GATAD2A: variants seen among roughly 807,000 people sequenced by gnomAD.
GATAD2A encodes transcriptional repressor p66-alpha.
In GATAD2A, 12 loss-of-function variants were observed where a neutral mutation model predicts 68.5. The observed-to-expected ratio is 0.18, with a 90% CI of 0.11 to 0.28. The LOEUF is 0.28. GATAD2A is among the 10% of genes least tolerant of loss of function. The probability of loss-of-function intolerance (pLI) is 1.00; values close to 1 mark genes in which losing one functional copy is unlikely to be tolerated. For synonymous variants in GATAD2A, 410 were observed against 375.3 expected (o/e 1.09, Z -1.07); for missense variants, 755 against 868.5 (o/e 0.87, Z 1.64).
chr19:19,468,336 T>C (rs1034296587), intron 2 of GATAD2A, among the ~76,000 whole-genome samples: 5 of 152,206 alleles, frequency 3.3e-5, no homozygotes, highest in Admixed American at 2.6e-4. Context: ...AGTGACAGTC[T>C]TGGAGATGGG....
intron 1 of GATAD2A, among the ~76,000 whole-genome samples, chr19:19,407,683 T>C (rs553520778): frequency 5.9e-5 from 9 of 152,352 alleles, no homozygotes; most frequent in Non-Finnish European, 1.2e-4. Flanking sequence ...GGGGACACCA[T>C]GCTAGCCCTG....
At chr19:19,403,817 A>G (rs1456614847), upstream of GATAD2A, among the ~76,000 whole-genome samples, 37 of 152,230 alleles carry the variant, frequency 2.4e-4, no homozygotes, top group Admixed American at 2.4e-3. Context: ...TACAGCCACC[A>G]TGTTAGGGTG....
At position 19,421,520 on chromosome 19, in the gene GATAD2A, C is replaced by G. The variant is rs181604654; in HGVS notation, c.-7+15501C>G. ...ACCACACTGAGAGCAGCGCGCTTCT[C>G]TGGGTTGGATGGCTGGGTTCTCAAG... On this transcript the variant is annotated intron_variant, in intron 1 of 11. Coordinates refer to ENST00000683918, the MANE Select transcript of GATAD2A (RefSeq NM_001384528.1). Among the ~76,000 whole-genome samples the G allele has an allele frequency of 1.3e-3, 203 of 152,280 alleles. 1 individual carries two copies. The highest frequency in any genetic ancestry group is 4.8e-3 in the African/African-American group (198 of 41,548).
intron 2 of GATAD2A, among the ~76,000 whole-genome samples, chr19:19,483,799 T>G (rs1398952246): frequency 6.7e-6 from 1 of 150,248 alleles, no homozygotes. Context: ...TTTTTTTTTT[T>G]TTGTATTTTT....
chr19:19,473,983 T>C, intron 2 of GATAD2A: 3 of 964,774 alleles, frequency 3.1e-6, no homozygotes, highest in Non-Finnish European at 3.7e-6. Context: ...ACCCAAGCCT[T>C]CCAAAACCAA....
At chr19:19,491,623 G>A (rs902565872) in intron 2 of GATAD2A, among the ~76,000 whole-genome samples, 11 of 152,338 alleles carry the variant, frequency 7.2e-5, no homozygotes, top group Admixed American at 5.2e-4. Flanking sequence ...GAGAACTTGT[G>A]TCCTAGTCAG....
chr19:19,437,135 T>C (rs1179371522), intron 1 of GATAD2A, among the ~76,000 whole-genome samples: 1 of 152,236 alleles, frequency 6.6e-6, no homozygotes, highest in Non-Finnish European at 1.5e-5. Flanking sequence ...TATATTTTTA[T>C]TTTTTATGTT....
chr19:19,451,655 G>T (rs904616004), intron 1 of GATAD2A, among the ~76,000 whole-genome samples: 3 of 152,154 alleles, frequency 2.0e-5, no homozygotes, highest in African/African-American at 7.2e-5. Context: ...GTGGGAATGC[G>T]TGTGAGACTC....
chr19:19,453,986 T>G (rs1734877840), intron 1 of GATAD2A, among the ~76,000 whole-genome samples: 1 of 147,514 alleles, frequency 6.8e-6, no homozygotes. Context: ...TTTTTTTTTT[T>G]GTTTATTTTT....
chr19:19,484,533 T>TC (rs1491256241), intron 2 of GATAD2A, among the ~76,000 whole-genome samples: 7 of 106,824 alleles, frequency 6.6e-5, no homozygotes, highest in Admixed American at 6.0e-4. Flanking sequence ...TTTTTTTTTC[T>TC]TTTTTTTTTT....
rs1156654004 is a variant in GATAD2A at position 19,390,776 on chromosome 19, C to T, written c.-7+4638C>T. On this transcript the variant is annotated intron_variant, in intron 1 of 11. Transcript: ENST00000360315. ...AGACTGCTTGAGTGAGTGAGTCCAG[C>T]AGTTACCTGGTGAGTGATCTGTTCT... Among the ~76,000 whole-genome samples the T allele has an allele frequency of 2.0e-5, 3 of 152,162 alleles. No homozygotes were observed. In the East Asian group the frequency reaches 5.8e-4, roughly 29 times the overall value.
At chr19:19,447,890 C>T (rs1042225315) in intron 1 of GATAD2A, among the ~76,000 whole-genome samples, 1 of 152,194 alleles carries the variant, frequency 6.6e-6, no homozygotes, top group African/African-American at 2.4e-5. Flanking sequence ...TTTTCTGGCC[C>T]TTGGAATTTT....
chr19:19,498,775 C>T, intron 8 of GATAD2A, 53 bp downstream of exon 8: 4 of 1,482,958 alleles, frequency 2.7e-6, no homozygotes, highest in Non-Finnish European at 3.7e-6. Context: ...TCCAAGGGTG[C>T]TGCCCCGTGG....
intron 1 of GATAD2A, 94 bp from the exon 2 acceptor site, chr19:19,465,246 A>G: frequency 1.1e-6 from 1 of 924,370 alleles, no homozygotes; most frequent in Non-Finnish European, 1.8e-6. Flanking sequence ...TCCCATAGGG[A>G]GGAAAACACT....
chr19:19,400,584 G>A (rs1193511646), intron 1 of GATAD2A, among the ~76,000 whole-genome samples: 2 of 152,166 alleles, frequency 1.3e-5, no homozygotes, highest in East Asian at 3.8e-4. Context: ...AAGCATCACT[G>A]TAAGAGTCCC....
intron 1 of GATAD2A, chr19:19,458,678 T>A (rs904844989): frequency 3.2e-4 from 49 of 152,210 alleles, no homozygotes; most frequent in African/African-American, 1.1e-3. Context: ...GAAGGCGGGC[T>A]GTGGGAATGA....
chr19:19,409,404 C>G (rs1008940704), intron 1 of GATAD2A, among the ~76,000 whole-genome samples: 2 of 152,168 alleles, frequency 1.3e-5, no homozygotes, highest in Admixed American at 6.6e-5. Flanking sequence ...TTCCTCCTAA[C>G]CCTTGTCTGG....
At chr19:19,450,261 G>A (rs540100346) in intron 1 of GATAD2A, among the ~76,000 whole-genome samples, 12 of 152,310 alleles carry the variant, frequency 7.9e-5, no homozygotes, top group African/African-American at 2.4e-4. Flanking sequence ...AAGGGACCCT[G>A]CCATTCAGCA....
chr19:19,399,554 C>G (rs12462698), intron 1 of GATAD2A, among the ~76,000 whole-genome samples: 7,481 of 152,222 alleles, frequency 0.049, 263 homozygotes, highest in East Asian at 0.13. Context: ...CAAATTGTCT[C>G]TATTGAAGGT....
Sources: allele counts gnomAD v4.1 joint callset (sites outside exome capture counted in the v4.1 genomes callset), GRCh38; gene constraint gnomAD v4.1.1; transcripts MANE v1.5; gene names NCBI Gene and HGNC (gene_info 2026-07-23, HGNC 2026-07-21).